LDLRAD3: variants seen among roughly 807,000 people sequenced by gnomAD.
LDLRAD3 encodes low density lipoprotein receptor class A domain containing 3.
Under a neutral mutation model 29.4 loss-of-function variants are expected in LDLRAD3, and 20 were observed. That is an observed-to-expected ratio of 0.68 (90% CI 0.48 to 0.99). The LOEUF (loss-of-function observed/expected upper bound fraction) is 0.99, where lower values mean the gene tolerates loss of function less well. Ranked by LOEUF, LDLRAD3 falls within the 50% of genes least tolerant of loss-of-function variation. The pLI is 0.00. For synonymous variants in LDLRAD3, 157 were observed against 192.7 expected, an observed-to-expected ratio of 0.81 and a Z score of 1.53; for missense variants, 420 against 454.3, an observed-to-expected ratio of 0.92 and a Z score of 0.69.
intron 1 of LDLRAD3, among the ~76,000 whole-genome samples, chr11:35,999,039 A>G (rs780363711): frequency 2.6e-5 from 4 of 152,234 alleles, no homozygotes; most frequent in African/African-American, 7.2e-5. Context: ...GTGTGATAAC[A>G]ATGAAGAGGA....
At chr11:36,191,004 TAC>T (rs1452981548) in intron 4 of LDLRAD3, among the ~76,000 whole-genome samples, 1 of 152,170 alleles carries the variant, frequency 6.6e-6, no homozygotes, top group East Asian at 1.9e-4. Flanking sequence ...GTTAGTCTCA[TAC>T]AGTCCTTTCA....
intron 1 of LDLRAD3, among the ~76,000 whole-genome samples, chr11:36,008,487 G>C (rs994906199): frequency 3.9e-5 from 6 of 152,144 alleles, no homozygotes; most frequent in Admixed American, 1.3e-4. Flanking sequence ...GAGTTTGTTG[G>C]GGTCAAGAAA....
Position 36,213,277 on chromosome 11 carries a change from G to A in LDLRAD3, c.455-13808G>A, listed in dbSNP as rs183034858. ...CCTGCTGTGGCCGGTCTGAGGTTGC[G>A]CAGCTCCAGTTTTCCCATCACCCTC... On this transcript the variant is annotated intron_variant, in intron 4 of 5. Transcript: ENST00000315571. The surrounding 1 kb of genome is among the most constrained non-coding windows in gnomAD (Gnocchi z 4.1). Among the ~76,000 whole-genome samples, 6 of 152,306 alleles carry A rather than the reference G, an allele frequency of 3.9e-5. No homozygotes were observed. Among genetic ancestry groups the A allele is most frequent in the East Asian group, 1.9e-4 (1 of 5,166 alleles).
chr11:36,114,292 C>T (rs76882117), intron 4 of LDLRAD3, among the ~76,000 whole-genome samples: 5,190 of 152,220 alleles, frequency 0.034, 338 homozygotes, highest in East Asian at 0.31. Flanking sequence ...TGAAATGGGT[C>T]GAGCTGCAAC....
chr11:36,062,903 T>TA, intron 2 of LDLRAD3, among the ~76,000 whole-genome samples: 1 of 152,306 alleles, frequency 6.6e-6, no homozygotes, highest in Middle Eastern at 3.4e-3. Context: ...AAGGGACTAA[T>TA]ACGTTGACCC....
chr11:36,043,009 T>TAA (rs34537513), intron 2 of LDLRAD3, among the ~76,000 whole-genome samples: 1 of 150,112 alleles, frequency 6.7e-6, no homozygotes, highest in East Asian at 1.9e-4. Flanking sequence ...CTCCTTTGTT[T>TAA]AAAAAAAAAA....
At chr11:35,949,756 A>G (rs1012454728) in intron 1 of LDLRAD3, among the ~76,000 whole-genome samples, 2 of 152,174 alleles carry the variant, frequency 1.3e-5, no homozygotes, top group Non-Finnish European at 2.9e-5. Context: ...ACCTCTCTTC[A>G]GACTAGCCAC....
chr11:36,198,569 C>A lies in LDLRAD3; in HGVS notation c.455-28516C>A, dbSNP rs558561048. 7.9e-5 allele frequency among the ~76,000 whole-genome samples: 12 copies of A among 152,188 alleles called. No homozygotes were observed. The South Asian group carries it at 2.3e-3, about 29-fold the overall frequency. On this transcript the variant is annotated intron_variant, in intron 4 of 5. Transcript: ENST00000315571. ...GCTCAGTTCCGTGCCTGGTTTGCTT[C>A]CCCCCCATCCCACTCCTGCCTCTGC...
chr11:36,141,350 TC>T (rs1256714835), intron 4 of LDLRAD3, among the ~76,000 whole-genome samples: 1 of 152,106 alleles, frequency 6.6e-6, no homozygotes, highest in Non-Finnish European at 1.5e-5. Flanking sequence ...TTGTAAAAAC[TC>T]CCCAGAGCAC....
intron 4 of LDLRAD3, among the ~76,000 whole-genome samples, chr11:36,099,175 A>G (rs1194101787): frequency 6.6e-6 from 1 of 152,094 alleles, no homozygotes; most frequent in African/African-American, 2.4e-5. Context: ...GGGCTGTCTC[A>G]TGGAAGCTGA....
chr11:36,125,545 A>G (rs1853823928), intron 4 of LDLRAD3, among the ~76,000 whole-genome samples: 1 of 152,208 alleles, frequency 6.6e-6, no homozygotes, highest in Non-Finnish European at 1.5e-5. Context: ...GGATGAATGA[A>G]TTTCTAATCG....
At chr11:36,047,216 G>T (rs2173554) in intron 2 of LDLRAD3, among the ~76,000 whole-genome samples, 21,071 of 152,132 alleles carry the variant, frequency 0.14, 1,817 homozygotes, top group Admixed American at 0.29. Context: ...ATTAGTTGTC[G>T]GTGTTTATAA....
At chr11:36,218,987 A>G (rs1383386287) in intron 4 of LDLRAD3, among the ~76,000 whole-genome samples, 1 of 152,274 alleles carries the variant, frequency 6.6e-6, no homozygotes, top group African/African-American at 2.4e-5. Context: ...GTGTACAAGC[A>G]TAGGGAGCAG....
At chr11:36,034,764 G>A (rs1158624097) in intron 1 of LDLRAD3, among the ~76,000 whole-genome samples, 1 of 152,158 alleles carries the variant, frequency 6.6e-6, no homozygotes, top group East Asian at 1.9e-4. Context: ...AAAAGCCAGG[G>A]GACACGTCAG....
intron 1 of LDLRAD3, among the ~76,000 whole-genome samples, chr11:35,994,410 T>A (rs1407477199): frequency 2.7e-5 from 4 of 150,764 alleles, no homozygotes; most frequent in African/African-American, 9.8e-5. Flanking sequence ...TACAATAGCA[T>A]TATATCTAAA....
chr11:36,043,274 TGC>T (rs1852405745), intron 2 of LDLRAD3, among the ~76,000 whole-genome samples: 2 of 152,228 alleles, frequency 1.3e-5, no homozygotes, highest in African/African-American at 4.8e-5. Context: ...ATTGTGCCAC[TGC>T]ACTCAAGTCT....
intron 4 of LDLRAD3, among the ~76,000 whole-genome samples, chr11:36,123,188 A>AAATAAT (rs535143112): frequency 2.1e-4 from 32 of 151,546 alleles, no homozygotes; most frequent in Admixed American, 3.3e-4. Flanking sequence ...CTCCGTCTCA[A>AAATAAT]AATAATAATA....
chr11:35,958,672 T>C (rs936131051), intron 1 of LDLRAD3, among the ~76,000 whole-genome samples: 2 of 152,156 alleles, frequency 1.3e-5, no homozygotes, highest in African/African-American at 2.4e-5. Flanking sequence ...TTGGATCTTC[T>C]TTTCTTCCAA....
intron 3 of LDLRAD3, among the ~76,000 whole-genome samples, chr11:36,091,499 C>G (rs1050639574): frequency 1.3e-5 from 2 of 152,130 alleles, no homozygotes; most frequent in Non-Finnish European, 2.9e-5. Context: ...CCCTCCCTCC[C>G]TCTGCCAGAG....
Sources: gnomAD v4.1 joint callset for allele counts (sites outside exome capture counted in the v4.1 genomes callset) on GRCh38, gnomAD v4.1.1 for gene constraint, Gnocchi (gnomAD v3.1) non-coding constraint, MANE v1.5 for transcripts, NCBI Gene and HGNC (gene_info 2026-07-23, HGNC 2026-07-21) for gene names.